The following DLGAP2 variants were observed in gnomAD, a reference collection of about 807,000 sequenced individuals.
The protein encoded by DLGAP2 is DLG associated protein 2.
In DLGAP2, 26 loss-of-function variants were observed where a neutral mutation model predicts 100.3. The observed-to-expected ratio is 0.26, with a 90% CI of 0.19 to 0.36. The LOEUF (loss-of-function observed/expected upper bound fraction) is 0.36, where lower values mean the gene tolerates loss of function less well. Among genes scored for constraint, DLGAP2 ranks in the 10% least tolerant of loss-of-function variants. The probability of loss-of-function intolerance (pLI) is 1.00; values close to 1 mark genes in which losing one functional copy is unlikely to be tolerated. For synonymous variants in DLGAP2, 886 were observed against 630.1 expected (o/e 1.41, Z -6.08); for missense variants, 1,858 against 1,453.2 (o/e 1.28, Z -4.53).
At chr8:752,766 G>C (rs1233215479) in intron 1 of DLGAP2, among the ~76,000 whole-genome samples, 5 of 152,172 alleles carry the variant, frequency 3.3e-5, no homozygotes, top group African/African-American at 1.2e-4. Context: ...GGGATGCTGT[G>C]CCTTCAAGGT....
intron 3 of DLGAP2, among the ~76,000 whole-genome samples, chr8:1,440,649 A>G (rs1797803314): frequency 6.6e-6 from 1 of 152,252 alleles, no homozygotes; most frequent in East Asian, 1.9e-4. Flanking sequence ...CTGCTGAACT[A>G]GTGACCGGCT....
At chr8:1,066,275 TC>T (rs1468480736) in intron 2 of DLGAP2, among the ~76,000 whole-genome samples, 1 of 146,474 alleles carries the variant, frequency 6.8e-6, no homozygotes, top group African/African-American at 2.6e-5. Context: ...CGAGGACAGC[TC>T]CCCACCACGG....
chr8:919,209 T>C (rs1280071440), intron 2 of DLGAP2, among the ~76,000 whole-genome samples: 2 of 152,184 alleles, frequency 1.3e-5, no homozygotes, highest in Non-Finnish European at 2.9e-5. Flanking sequence ...TGAAACTGGT[T>C]TAATGTATTA....
intron 2 of DLGAP2, among the ~76,000 whole-genome samples, chr8:1,136,177 G>A (rs1044908925): frequency 6.6e-6 from 1 of 152,156 alleles, no homozygotes; most frequent in African/African-American, 2.4e-5. Context: ...GTCCCAAGGG[G>A]CGGGACACCT....
intron 2 of DLGAP2, among the ~76,000 whole-genome samples, chr8:1,110,241 T>G (rs1269899247): frequency 7.3e-6 from 1 of 136,882 alleles, no homozygotes; most frequent in African/African-American, 2.9e-5. Context: ...GTGTGCTGGA[T>G]CTGTGAGGTG....
chr8:1,203,544 C>G (rs558943077), intron 2 of DLGAP2, among the ~76,000 whole-genome samples: 2 of 152,156 alleles, frequency 1.3e-5, no homozygotes, highest in Admixed American at 6.5e-5. Flanking sequence ...GGAACAGATG[C>G]TAAAGGTTCT....
At chr8:1,044,953 CA>C (rs1309308312) in intron 2 of DLGAP2, among the ~76,000 whole-genome samples, 33 of 152,232 alleles carry the variant, frequency 2.2e-4, no homozygotes, top group Non-Finnish European at 1.5e-5. Context: ...GCATTCCCTC[CA>C]TCTTTCAGAG....
chr8:1,078,491 C>T (rs968609381), intron 2 of DLGAP2, among the ~76,000 whole-genome samples: 3 of 152,142 alleles, frequency 2.0e-5, no homozygotes, highest in Admixed American at 6.5e-5. Context: ...TGTGGAATGG[C>T]GTATGCCCAC....
rs1007538912 is a variant in DLGAP2 at position 1,582,795 on chromosome 8, A to G, written c.1442+16901A>G. On this transcript the variant is annotated intron_variant, in intron 6 of 14. Coordinates refer to ENST00000637795, the MANE Select transcript of DLGAP2 (RefSeq NM_001346810.2). ...TATTTTTAGTAGAGACAAGAGTTTC[A>G]CCATGTTGGCCAGACTGGTCTCAAA... Among the ~76,000 whole-genome samples the G allele has an allele frequency of 2.0e-5, 3 of 152,122 alleles. No individual in the cohort carries two copies. The East Asian group carries it at 5.8e-4, about 29-fold the overall frequency.
intron 3 of DLGAP2, among the ~76,000 whole-genome samples, chr8:1,500,610 A>G (rs761025564): frequency 2.6e-5 from 4 of 152,376 alleles, no homozygotes; most frequent in Admixed American, 2.6e-4. Flanking sequence ...CCAGCTCCTC[A>G]GGGACCAGTT....
chr8:1,354,235 G>A (rs1433290869), intron 3 of DLGAP2, among the ~76,000 whole-genome samples: 1 of 152,208 alleles, frequency 6.6e-6, no homozygotes, highest in African/African-American at 2.4e-5. Flanking sequence ...GCCAGGCACG[G>A]TGGCTCAAAC....
chr8:1,500,897 G>A (rs1409102799), intron 3 of DLGAP2, among the ~76,000 whole-genome samples: 1 of 152,202 alleles, frequency 6.6e-6, no homozygotes, highest in Non-Finnish European at 1.5e-5. Flanking sequence ...TGCAGGCTTT[G>A]AACATTGCAA....
chr8:1,517,850 C>T (rs1800446521), intron 4 of DLGAP2, among the ~76,000 whole-genome samples: 6 of 152,190 alleles, frequency 3.9e-5, no homozygotes, highest in Admixed American at 3.9e-4. Flanking sequence ...TAGTGTGGCC[C>T]TGGGGGCAGG....
chr8:1,390,734 T>C (rs1796331752), intron 3 of DLGAP2, among the ~76,000 whole-genome samples: 1 of 152,180 alleles, frequency 6.6e-6, no homozygotes, highest in South Asian at 2.1e-4. Context: ...GGCGGAGGGC[T>C]CTGCCTGAGA....
intron 8 of DLGAP2, among the ~76,000 whole-genome samples, chr8:1,656,865 C>G (rs1330827205): frequency 6.6e-6 from 1 of 152,138 alleles, no homozygotes; most frequent in East Asian, 1.9e-4. Flanking sequence ...TGATCACAAC[C>G]CCATTATTCT....
chr8:1,609,193 C>T (rs1479881955), intron 6 of DLGAP2, among the ~76,000 whole-genome samples: 4 of 138,006 alleles, frequency 2.9e-5, no homozygotes, highest in East Asian at 2.7e-4. Context: ...GCGGATCTCT[C>T]GGCAGAAACC....
Position 758,598 on chromosome 8 carries a change from G to A in DLGAP2, c.18+20773G>A, listed in dbSNP as rs1051993788. Reference sequence around the variant, plus strand: ...TTTATTTGAGACAGGGTCTTATTCTGTTGCCCAGGCTGGAGTGCAGTGGTG... The same window carrying A: ...TTTATTTGAGACAGGGTCTTATTCTATTGCCCAGGCTGGAGTGCAGTGGTG... On this transcript the variant is annotated intron_variant, in intron 1 of 14. Coordinates refer to ENST00000637795, the MANE Select transcript of DLGAP2 (RefSeq NM_001346810.2). Among the ~76,000 whole-genome samples, 107 of 152,174 alleles carry A rather than the reference G, an allele frequency of 7.0e-4. 1 individual carries two copies. Among genetic ancestry groups the A allele is most frequent in the African/African-American group, 2.5e-3 (103 of 41,504 alleles).
chr8:1,495,769 C>A (rs1350768877), intron 3 of DLGAP2, among the ~76,000 whole-genome samples: 1 of 152,206 alleles, frequency 6.6e-6, no homozygotes, highest in Admixed American at 6.5e-5. Flanking sequence ...CGGGGCCTTC[C>A]CCCGTATGCT....
chr8:1,329,214 C>G (rs1026861565), intron 3 of DLGAP2, among the ~76,000 whole-genome samples: 2 of 152,174 alleles, frequency 1.3e-5, no homozygotes, highest in Non-Finnish European at 2.9e-5. Context: ...AAAACAATGT[C>G]TTTTAGTCAG....
Sources: allele counts gnomAD v4.1 joint callset (sites outside exome capture counted in the v4.1 genomes callset), GRCh38; gene constraint gnomAD v4.1.1; transcripts MANE v1.5; gene names NCBI Gene and HGNC (gene_info 2026-07-23, HGNC 2026-07-21).